Variants in DISC1 observed in about 807,000 individuals in gnomAD.
DISC1 encodes disrupted in schizophrenia 1 protein.
DISC1 carries 57 observed loss-of-function variants against 84.5 expected under a neutral mutation model. The ratio of observed to expected loss-of-function variants is 0.67; its 90% confidence interval spans 0.55 to 0.84. The LOEUF (loss-of-function observed/expected upper bound fraction) is 0.84, where lower values mean the gene tolerates loss of function less well. Ranked by LOEUF, DISC1 falls within the 40% of genes least tolerant of loss-of-function variation. The probability of loss-of-function intolerance (pLI) is 0.00; values close to 1 mark genes in which losing one functional copy is unlikely to be tolerated. For synonymous variants in DISC1, 411 were observed against 415.2 expected (o/e 0.99, Z 0.12); for missense variants, 1,000 against 1,057.8 (o/e 0.95, Z 0.76).
chr1:231,975,459 A>T (rs777424105), intron 10 of DISC1, among the ~76,000 whole-genome samples: 1 of 152,212 alleles, frequency 6.6e-6, no homozygotes, highest in Non-Finnish European at 1.5e-5. Context: ...TGATCCAGCA[A>T]TCCCACTACT....
chr1:231,809,849 T>C (rs894161697), intron 8 of DISC1, among the ~76,000 whole-genome samples: 3 of 152,216 alleles, frequency 2.0e-5, no homozygotes, highest in African/African-American at 7.2e-5. Flanking sequence ...ATTTTAAATT[T>C]TCTTGAGGAA....
intron 1 of DISC1, among the ~76,000 whole-genome samples, chr1:231,634,128 C>A (rs823164): frequency 0.031 from 4,753 of 152,210 alleles, 242 homozygotes; most frequent in African/African-American, 0.11. Flanking sequence ...AAGTGATCCG[C>A]CTGCCTCGGC....
At chr1:231,773,009 G>A (rs12046794) in intron 6 of DISC1, among the ~76,000 whole-genome samples, 24,424 of 152,152 alleles carry the variant, frequency 0.16, 2,025 homozygotes, top group Middle Eastern at 0.21. Flanking sequence ...TTCAGCTATT[G>A]CCTTGGTGTG....
intron 9 of DISC1, among the ~76,000 whole-genome samples, chr1:231,903,931 T>C (rs934121140): frequency 6.6e-6 from 1 of 152,216 alleles, no homozygotes; most frequent in Non-Finnish European, 1.5e-5. Context: ...CAAGAGACTA[T>C]AGAGAGTCAG....
chr1:232,018,944 G>C (rs1273158138), intron 11 of DISC1, among the ~76,000 whole-genome samples: 2 of 152,266 alleles, frequency 1.3e-5, no homozygotes, highest in African/African-American at 4.8e-5. Flanking sequence ...TTCCTTCCTG[G>C]CTCTTTATAC....
intron 9 of DISC1, among the ~76,000 whole-genome samples, chr1:231,837,169 T>C (rs1486854102): frequency 6.6e-6 from 1 of 152,196 alleles, no homozygotes; most frequent in Non-Finnish European, 1.5e-5. Flanking sequence ...GTAGAAGCTT[T>C]TATATTTTAG....
intron 3 of DISC1, among the ~76,000 whole-genome samples, chr1:231,736,732 G>A (rs996873697): frequency 1.3e-5 from 2 of 152,228 alleles, no homozygotes; most frequent in Non-Finnish European, 2.9e-5. Flanking sequence ...AGCTCTCAGT[G>A]AATTTCATTT....
intron 9 of DISC1, among the ~76,000 whole-genome samples, chr1:231,848,501 G>T (rs754219315): frequency 6.6e-6 from 1 of 152,144 alleles, no homozygotes; most frequent in Non-Finnish European, 1.5e-5. Context: ...GGAGGTCCTG[G>T]GTAGCCTGAG....
intron 9 of DISC1, among the ~76,000 whole-genome samples, chr1:231,879,673 T>G (rs565618681): frequency 6.8e-6 from 1 of 147,952 alleles, no homozygotes; most frequent in East Asian, 2.0e-4. Flanking sequence ...ATGTTTTGGG[T>G]GGGGGGCATG....
intron 11 of DISC1, among the ~76,000 whole-genome samples, chr1:232,020,838 T>C (rs7525200): frequency 0.038 from 5,727 of 152,282 alleles, 114 homozygotes; most frequent in East Asian, 0.053. Flanking sequence ...AATTAGAAAT[T>C]GAGGTAGAGT....
At chr1:231,928,020 C>T (rs879553524) in intron 9 of DISC1, among the ~76,000 whole-genome samples, 13 of 152,194 alleles carry the variant, frequency 8.5e-5, no homozygotes, top group Non-Finnish European at 1.8e-4. Context: ...GTATCCAAGC[C>T]ACCCTACAAA....
At chr1:231,763,693 G>GA (rs1336619373) in intron 4 of DISC1, among the ~76,000 whole-genome samples, 6 of 152,162 alleles carry the variant, frequency 3.9e-5, no homozygotes, top group Non-Finnish European at 7.4e-5. Context: ...CAGCAAGGGG[G>GA]AAGAGTCTCC....
chr1:231,694,831 C>T, intron 2 of DISC1, 26 bp downstream of exon 2: 1 of 1,610,156 alleles, frequency 6.2e-7, no homozygotes. Flanking sequence ...ACCTCTGTGG[C>T]CCGAGATTGT....
chr1:231,703,402 C>T (rs1434970481), intron 3 of DISC1, among the ~76,000 whole-genome samples: 1 of 152,222 alleles, frequency 6.6e-6, no homozygotes, highest in Non-Finnish European at 1.5e-5. Context: ...TGAGCTATTC[C>T]TGGGCCAGGG....
chr1:231,800,794 G>T (rs1450362141), intron 8 of DISC1, among the ~76,000 whole-genome samples: 1 of 152,064 alleles, frequency 6.6e-6, no homozygotes, highest in Non-Finnish European at 1.5e-5. Context: ...GTAGATGGGA[G>T]AGAGACCGTG....
chr1:231,785,261 A>T (rs2077758055), intron 6 of DISC1, among the ~76,000 whole-genome samples: 2 of 75,776 alleles, frequency 2.6e-5, no homozygotes, highest in African/African-American at 4.7e-5. Context: ...GTGTTATTTT[A>T]TTTATTTATT....
intron 9 of DISC1, among the ~76,000 whole-genome samples, chr1:231,867,680 T>G (rs779796672): frequency 1.3e-5 from 2 of 152,242 alleles, no homozygotes; most frequent in African/African-American, 2.4e-5. Flanking sequence ...TACCCATAAG[T>G]CAGCAGTTTT....
At chr1:231,804,937 G>T (rs1178010631) in intron 8 of DISC1, among the ~76,000 whole-genome samples, 1 of 152,160 alleles carries the variant, frequency 6.6e-6, no homozygotes, top group Non-Finnish European at 1.5e-5. Flanking sequence ...GATGGATGTG[G>T]CAACACCTTG....
intron 3 of DISC1, among the ~76,000 whole-genome samples, chr1:231,704,930 C>A (rs1483597906): frequency 6.6e-6 from 1 of 152,044 alleles, no homozygotes; most frequent in African/African-American, 2.4e-5. Context: ...GTGTTTAAGG[C>A]ATGCTGAATG....
Sources: gnomAD v4.1 joint callset for allele counts (sites outside exome capture counted in the v4.1 genomes callset) on GRCh38, gnomAD v4.1.1 for gene constraint, MANE v1.5 for transcripts, NCBI Gene and HGNC (gene_info 2026-07-23, HGNC 2026-07-21) for gene names.